The following ADCY3 variants were observed in gnomAD, a reference collection of about 807,000 sequenced individuals.
The protein encoded by ADCY3 is adenylate cyclase 3.
A neutral mutation model predicts 119.4 loss-of-function variants in ADCY3; 70 were observed. That is an observed-to-expected ratio of 0.59 (90% CI 0.48 to 0.72). The LOEUF is 0.72. Ranked by LOEUF, ADCY3 falls within the 30% of genes least tolerant of loss-of-function variation. The pLI is 0.00. For synonymous variants in ADCY3, 672 were observed against 621.4 expected, an observed-to-expected ratio of 1.08 and a Z score of -1.21; for missense variants, 1,238 against 1,541.6, an observed-to-expected ratio of 0.80 and a Z score of 3.30.
chr2:24,831,540 CTAACAGAG>C (rs1669508321), intron 12 of ADCY3, 114 bp downstream of exon 12: 3 of 795,912 alleles, frequency 3.8e-6, no homozygotes, highest in Non-Finnish European at 6.4e-6. Context: ...CTGGACCGTC[CTAACAGAG>C]GAGTGTCTGC....
At position 24,841,194 on chromosome 2, in the gene ADCY3, T is replaced by C; in HGVS notation, c.1196+65A>G. On this transcript the variant is annotated intron_variant, in intron 6 of 21. Transcript: ENST00000679454. This position sits in a 1 kb window ranked among gnomAD's most constrained non-coding sequence, Gnocchi z 5.8. ...CCATGGCCAGCGCGGAAGACCTGCTTCTCCCTGGGTCCAGGGCCGGGGCCC... is the reference window on the plus strand; with the variant it reads ...CCATGGCCAGCGCGGAAGACCTGCTCCTCCCTGGGTCCAGGGCCGGGGCCC... 5 of 1,483,070 alleles carry C rather than the reference T, an allele frequency of 3.4e-6. No homozygotes were observed. Among genetic ancestry groups the C allele is most frequent in the Non-Finnish European group, 4.5e-6 (5 of 1,115,004 alleles). 91.9% of individuals were successfully genotyped at this position (1,483,070 alleles called of 1,614,324 possible).
At position 24,842,521 on chromosome 2, in the gene ADCY3, A is replaced by G. The variant is rs1201883441; in HGVS notation, c.826-137T>C. The stretch of plus-strand genomic sequence containing the variant: ...ATGCTGCCCTCCAGAGAGACCTCAC[A>G]GATCTGCCTCGGGAGCAGCCAGGGG... On this transcript the variant is annotated intron_variant, in intron 3 of 21. Transcript: ENST00000679454. This position sits in a 1 kb window ranked among gnomAD's most constrained non-coding sequence, Gnocchi z 4.9. 9 of 1,187,234 alleles carry G rather than the reference A, an allele frequency of 7.6e-6. No homozygotes were observed. In the East Asian group the frequency reaches 2.1e-4, roughly 27 times the overall value. The allele number at this position is 1,187,234 out of a possible 1,614,324, so 73.5% of individuals were successfully genotyped here. A position where few individuals can be genotyped will look rare whatever the true frequency, so the allele number is the denominator to read the frequency against.
intron 16 of ADCY3, chr2:24,825,687 A>G (rs529558103): frequency 4.3e-6 from 1 of 230,660 alleles, no homozygotes; most frequent in Admixed American, 5.8e-5. Flanking sequence ...CTCTGTGGTC[A>G]GTTGTGTTAA....
At chr2:24,836,425 C>T (rs901438238) in intron 9 of ADCY3, among the ~76,000 whole-genome samples, 2 of 152,226 alleles carry the variant, frequency 1.3e-5, no homozygotes, top group African/African-American at 4.8e-5. Context: ...AGACGCCCTG[C>T]GGTCAGGGAC....
In ADCY3 at chr2:24,916,263, G is replaced by A. The variant is rs538886433; in HGVS notation, c.675+2050C>T. Among the ~76,000 whole-genome samples the A allele has an allele frequency of 1.3e-3, 204 of 152,326 alleles. 2 individuals are homozygous for A. The highest frequency in any genetic ancestry group is 4.5e-3 in the African/African-American group (189 of 41,578). On this transcript the variant is annotated intron_variant, in intron 2 of 21. Transcript: ENST00000679454. ...CCACGTGGTGGGGCACCCAGGCCCC[G>A]GCCCAGCCCTGTGGCCATACCTTCT...
chr2:24,879,134 A>G (rs1399098441), intron 2 of ADCY3, among the ~76,000 whole-genome samples: 3 of 152,102 alleles, frequency 2.0e-5, no homozygotes, highest in Non-Finnish European at 4.4e-5. Flanking sequence ...CCTCTCTGAC[A>G]TGGCTCCTCA....
chr2:24,878,270 T>C lies in ADCY3; in HGVS notation c.676-5551A>G, dbSNP rs1675957813. ...GGCTCAGAACGCAACCATGAGAACA[T>C]TCCTTTACAAAATCCTCCCTCCTGG... On this transcript the variant is annotated intron_variant, in intron 2 of 21. Transcript: ENST00000679454. This position sits in a 1 kb window ranked among gnomAD's most constrained non-coding sequence, Gnocchi z 4.0. 2.0e-5 allele frequency among the ~76,000 whole-genome samples: 3 copies of C among 151,954 alleles called. No homozygotes were observed. Among genetic ancestry groups the C allele is most frequent in the African/African-American group, 7.3e-5 (3 of 41,352 alleles).
chr2:24,904,375 C>T (rs1468001046), intron 2 of ADCY3, among the ~76,000 whole-genome samples: 1 of 151,896 alleles, frequency 6.6e-6, no homozygotes, highest in Non-Finnish European at 1.5e-5. Flanking sequence ...ACTAAAAATA[C>T]AAAAATTTGC....
At chr2:24,828,192 C>T (rs368885005) in intron 13 of ADCY3, 31 bp from the exon 14 acceptor site, 135 of 1,608,304 alleles carry the variant, frequency 8.4e-5, no homozygotes, top group South Asian at 1.3e-4. Context: ...CAGGGACACA[C>T]GTTCAAGAGA....
chr2:24,855,578 T>C (rs1672900970), intron 3 of ADCY3, among the ~76,000 whole-genome samples: 1 of 152,140 alleles, frequency 6.6e-6, no homozygotes, highest in Non-Finnish European at 1.5e-5. Context: ...AAGTCCTTGA[T>C]GGTTATCCTA....
intron 21 of ADCY3, chr2:24,820,439 C>T: frequency 7.6e-7 from 1 of 1,322,088 alleles, no homozygotes; most frequent in Non-Finnish European, 9.6e-7. Flanking sequence ...TGGAGCTTTT[C>T]TGCCAGACGC....
chr2:24,880,420 A>G (rs1404441959), intron 2 of ADCY3, among the ~76,000 whole-genome samples: 1 of 152,126 alleles, frequency 6.6e-6, no homozygotes, highest in African/African-American at 2.4e-5. Context: ...TCCAATCACA[A>G]TGGGCCTCTC....
intron 2 of ADCY3, among the ~76,000 whole-genome samples, chr2:24,894,396 G>C (rs1422650464): frequency 6.6e-6 from 1 of 152,144 alleles, no homozygotes; most frequent in Non-Finnish European, 1.5e-5. Context: ...AAGACCTTGA[G>C]CCCAGGAGGT....
chr2:24,825,925 G>T (rs900133335), intron 16 of ADCY3, 120 bp downstream of exon 16: 1 of 928,712 alleles, frequency 1.1e-6, no homozygotes, highest in Non-Finnish European at 1.7e-6. Context: ...GCTCACGTGT[G>T]GGGCTGGGTG....
In ADCY3 at chr2:24,838,653, C is replaced by T. The variant is rs371928105; in HGVS notation, c.1356-31G>A. ...TTGCAGAGAGAGAGGCCCTGAGCGT[C>T]GGCCAGAGGTGGCCCTCACACCCCC... On this transcript the variant is annotated intron_variant, in intron 7 of 21. Coordinates refer to ENST00000679454, the MANE Select transcript of ADCY3 (RefSeq NM_004036.5). 2.5e-5 allele frequency: 40 copies of T among 1,611,228 alleles called. No homozygotes were observed. In the African/African-American group the frequency reaches 3.9e-4, roughly 16 times the overall value.
chr2:24,838,046 T>G lies in ADCY3; in HGVS notation c.1533+399A>C, dbSNP rs560104645. On this transcript the variant is annotated intron_variant, in intron 8 of 21. Transcript: ENST00000679454. ...TCCTGGCCTTGGTCCTCCTCCCCCA[T>G]GACCAGTCACCCCACCCCCACCCTC... 5.8e-4 allele frequency among the ~76,000 whole-genome samples: 86 copies of G among 148,906 alleles called. 1 individual carries two copies. Among genetic ancestry groups the G allele is most frequent in the African/African-American group, 2.0e-3 (82 of 40,220 alleles).
At chr2:24,876,009 T>C (rs1243915374) in intron 2 of ADCY3, among the ~76,000 whole-genome samples, 1 of 151,276 alleles carries the variant, frequency 6.6e-6, no homozygotes, top group Admixed American at 6.6e-5. Context: ...GTGGTGCAGA[T>C]AGAGACAGGG....
At position 24,820,128 on chromosome 2, in the gene ADCY3, G is replaced by C; in HGVS notation, c.3253-14C>G. Reference sequence around the variant, plus strand: ...TTCTTCTACCACCTGGAGAGGGAGGGGGAGCAAGAACGTGGCGTTACGGGG... The same window carrying C: ...TTCTTCTACCACCTGGAGAGGGAGGCGGAGCAAGAACGTGGCGTTACGGGG... On this transcript the variant is annotated splice_polypyrimidine_tract_variant and intron_variant, in intron 21 of 21. Coordinates refer to ENST00000679454, the MANE Select transcript of ADCY3 (RefSeq NM_004036.5). 1 of 1,533,066 alleles carries C rather than the reference G, an allele frequency of 6.5e-7. No homozygotes were observed. The highest frequency in any genetic ancestry group is 8.8e-7 in the Non-Finnish European group (1 of 1,140,256). 95.0% of individuals were successfully genotyped at this position (1,533,066 alleles called of 1,614,324 possible). A position where few individuals can be genotyped will look rare whatever the true frequency, so the allele number is the denominator to read the frequency against.
Position 24,842,084 on chromosome 2 carries a change from C to G in ADCY3, c.956+170G>C, listed in dbSNP as rs1041640874. On this transcript the variant is annotated intron_variant, in intron 4 of 21. Transcript: ENST00000679454. The surrounding 1 kb of genome is among the most constrained non-coding windows in gnomAD (Gnocchi z 4.9). Reference sequence around the variant, plus strand: ...CCAAGCAGCCTAGAGCACACTGTAGCTTCAACATCTGCTGGCAGCTTCCTC... The same window carrying G: ...CCAAGCAGCCTAGAGCACACTGTAGGTTCAACATCTGCTGGCAGCTTCCTC... Among the ~76,000 whole-genome samples, 4 of 152,236 alleles carry G rather than the reference C, an allele frequency of 2.6e-5. No individual in the cohort carries two copies. The highest frequency in any genetic ancestry group is 9.6e-5 in the African/African-American group (4 of 41,464).
Sources: allele counts gnomAD v4.1 joint callset (sites outside exome capture counted in the v4.1 genomes callset), GRCh38; gene constraint gnomAD v4.1.1; non-coding constraint Gnocchi (gnomAD v3.1); transcripts MANE v1.5; gene names NCBI Gene and HGNC (gene_info 2026-07-23, HGNC 2026-07-21).